The following LUC7L variants were observed in gnomAD, a reference collection of about 807,000 sequenced individuals.
The protein encoded by LUC7L is LUC7 like.
In LUC7L, 29 loss-of-function variants were observed where a neutral mutation model predicts 51.1. The observed-to-expected ratio is 0.57, with a 90% CI of 0.42 to 0.77. The LOEUF is 0.77. LUC7L is among the 30% of genes least tolerant of loss of function. The probability of loss-of-function intolerance (pLI) is 0.00; values close to 1 mark genes in which losing one functional copy is unlikely to be tolerated. For missense variants in LUC7L, 403 were observed against 511.9 expected (o/e 0.79, Z 2.05); for synonymous variants, 181 against 180.7 (o/e 1.00, Z -0.01).
At chr16:208,248 C>T in intron 3 of LUC7L, 60 bp from the exon 4 acceptor site, 2 of 1,272,924 alleles carry the variant, frequency 1.6e-6, no homozygotes, top group Non-Finnish European at 2.3e-6. Context: ...AGTCTTAGAA[C>T]CCATTTGCTT....
chr16:206,755 A>G (rs1429866975), intron 4 of LUC7L, among the ~76,000 whole-genome samples: 1 of 152,078 alleles, frequency 6.6e-6, no homozygotes, highest in Non-Finnish European at 1.5e-5. Flanking sequence ...TGGAGATATT[A>G]AAGTTTAAAA....
chr16:209,200 AC>A (rs1410836018), intron 3 of LUC7L: 1 of 145,350 alleles, frequency 6.9e-6, no homozygotes, highest in Non-Finnish European at 1.5e-5. Context: ...AAAAACAAAA[AC>A]AAAAAAAGGC....
chr16:199,816 C>A (rs539932900), intron 5 of LUC7L, among the ~76,000 whole-genome samples: 2 of 151,014 alleles, frequency 1.3e-5, no homozygotes, highest in South Asian at 4.2e-4. Flanking sequence ...TTTGTGAAAC[C>A]CCGTCTCTAC....
Position 206,521 on chromosome 16 carries a change from A to G in LUC7L, c.367-374T>C, listed in dbSNP as rs142736482. Among the ~76,000 whole-genome samples, 9 of 152,348 alleles carry G rather than the reference A, an allele frequency of 5.9e-5. No individual in the cohort carries two copies. The East Asian group carries it at 1.7e-3, about 29-fold the overall frequency. ...TACTAGGATTTACCTTCTGAAACAAAATAGCACCGTTGGTCAAATTAGCAA... is the reference window on the plus strand; with the variant it reads ...TACTAGGATTTACCTTCTGAAACAAGATAGCACCGTTGGTCAAATTAGCAA... On this transcript the variant is annotated intron_variant, in intron 4 of 9. Coordinates refer to ENST00000293872, the MANE Select transcript of LUC7L (RefSeq NM_201412.3).
intron 1 of LUC7L, chr16:228,095 G>A (rs1357856226): frequency 8.7e-7 from 1 of 1,149,426 alleles, no homozygotes; most frequent in African/African-American, 1.6e-5. Context: ...TCGGGGGAAT[G>A]ATACATAAAA....
Position 195,048 on chromosome 16 carries a change from T to C in LUC7L, c.688-2033A>G, listed in dbSNP as rs59582152. ...AAAGTATGCAGAGCTGGGTGACTGGTATCTCCAGCTCTAAACTTTCACCCA... is the reference window on the plus strand; with the variant it reads ...AAAGTATGCAGAGCTGGGTGACTGGCATCTCCAGCTCTAAACTTTCACCCA... On this transcript the variant is annotated intron_variant, in intron 6 of 9. Transcript: ENST00000293872. Among the ~76,000 whole-genome samples the C allele has an allele frequency of 9.1e-3, 1,378 of 152,248 alleles. 15 individuals carry two copies. The highest frequency in any genetic ancestry group is 0.032 in the African/African-American group (1,325 of 41,542).
chr16:190,125 G>A lies in LUC7L; in HGVS notation c.817C>T (p.Arg273Trp), dbSNP rs150298792. The stretch of plus-strand genomic sequence containing the variant: ...CTTGACCGCCTCCGACGCCGATCCC[G>A]GGAGCGTGACCTGAACAATCAGAAG... ...RTRDRRRSRSRDRRRRRSRST... is the reference protein window; with the variant it reads ...RTRDRRRSRSWDRRRRRSRST... The change falls in exon 9 of 10, where the codon CGG becomes TGG. Residue 273 changes from arginine (R) to tryptophan (W), a missense_variant. Transcript: ENST00000293872. 46 of 1,610,350 alleles carry A rather than the reference G, an allele frequency of 2.9e-5. No homozygotes were observed. Among genetic ancestry groups the A allele is most frequent in the African/African-American group, 5.3e-5 (4 of 74,854 alleles).
intron 6 of LUC7L, among the ~76,000 whole-genome samples, chr16:193,930 A>G (rs1205035705): frequency 1.4e-5 from 2 of 147,970 alleles, no homozygotes; most frequent in Admixed American, 6.8e-5. Context: ...TGGCCTCCGG[A>G]GTAGCTGGGA....
intron 4 of LUC7L, among the ~76,000 whole-genome samples, chr16:207,451 C>T (rs2049514949): frequency 6.6e-6 from 1 of 152,118 alleles, no homozygotes; most frequent in African/African-American, 2.4e-5. Flanking sequence ...CTCCTGGGCT[C>T]AAGCAGTCTG....
At position 208,220 on chromosome 16, in the gene LUC7L, A is replaced by G. The variant is rs201714549; in HGVS notation, c.256-32T>C. 4.1e-4 allele frequency: 602 copies of G among 1,466,336 alleles called. 1 individual carries two copies. The highest frequency in any genetic ancestry group is 5.3e-4 in the Non-Finnish European group (555 of 1,047,260). The allele number at this position is 1,466,336 out of a possible 1,614,324, so 90.8% of individuals were successfully genotyped here. On this transcript the variant is annotated intron_variant, in intron 3 of 9. Transcript: ENST00000293872. ...CGGGAAAAGCACAGCGCTATAATCA[A>G]TGATGTGTAAAGCGTAAAGTCTTAG...
intron 1 of LUC7L, chr16:228,152 T>C: frequency 8.3e-7 from 1 of 1,199,766 alleles, no homozygotes; most frequent in South Asian, 1.6e-5. Context: ...AGTCTGTGTA[T>C]ACAACACAGA....
chr16:221,320 C>A (rs554988217), intron 2 of LUC7L, among the ~76,000 whole-genome samples: 1 of 148,636 alleles, frequency 6.7e-6, no homozygotes, highest in Non-Finnish European at 1.5e-5. Flanking sequence ...GCTGGCATTA[C>A]AGGTGTGAGC....
At chr16:228,796 A>C in intron 1 of LUC7L, 1 of 1,288,068 alleles carries the variant, frequency 7.8e-7, no homozygotes, top group Non-Finnish European at 1.0e-6. Context: ...CCACGTTAGA[A>C]AAGCTCAGTT....
chr16:228,014 G>T (rs2050173415), intron 1 of LUC7L: 2 of 1,118,992 alleles, frequency 1.8e-6, no homozygotes, highest in Non-Finnish European at 1.1e-6. Flanking sequence ...GACCTCAGCT[G>T]CAGAATTTTA....
In LUC7L at chr16:229,400, C is replaced by G; in HGVS notation, c.-61G>C. ...ACTTCTCTCAGGCAGGCGGTGGCAGCGGCGTCGACAAACGATGGTCGCGTC... is the reference window on the plus strand; with the variant it reads ...ACTTCTCTCAGGCAGGCGGTGGCAGGGGCGTCGACAAACGATGGTCGCGTC... On this transcript the variant is annotated 5_prime_UTR_variant, in exon 1 of 10. Coordinates refer to ENST00000293872, the MANE Select transcript of LUC7L (RefSeq NM_201412.3). 1 of 1,387,378 alleles carries G rather than the reference C, an allele frequency of 7.2e-7. No individual in the cohort carries two copies. The highest frequency in any genetic ancestry group is 9.5e-7 in the Non-Finnish European group (1 of 1,053,130). The allele number at this position is 1,387,378 out of a possible 1,614,324, so 85.9% of individuals were successfully genotyped here. A position where few individuals can be genotyped will look rare whatever the true frequency, so the allele number is the denominator to read the frequency against.
chr16:197,762 G>A (rs1438210892), intron 6 of LUC7L, among the ~76,000 whole-genome samples: 2 of 152,014 alleles, frequency 1.3e-5, no homozygotes, highest in African/African-American at 4.8e-5. Context: ...GGCACAAAAG[G>A]CCCTCAGCCG....
Position 206,480 on chromosome 16 carries a change from A to C in LUC7L, c.367-333T>G, listed in dbSNP as rs138674868. 1.3e-4 allele frequency among the ~76,000 whole-genome samples: 20 copies of C among 152,332 alleles called. No individual in the cohort carries two copies. In the East Asian group the frequency reaches 3.9e-3, roughly 29 times the overall value. The stretch of plus-strand genomic sequence containing the variant: ...GTTTAAATGTACAGATTTAAGCTGT[A>C]ACCAAAATACCTAATTACTAGGATT... On this transcript the variant is annotated intron_variant, in intron 4 of 9. Coordinates refer to ENST00000293872, the MANE Select transcript of LUC7L (RefSeq NM_201412.3).
At chr16:220,404 A>C in intron 3 of LUC7L, 1 of 411,476 alleles carries the variant, frequency 2.4e-6, no homozygotes. Flanking sequence ...GACTCATAAA[A>C]ATGTAATTAA....
Position 199,169 on chromosome 16 carries a change from A to C in LUC7L, c.580T>G (p.Ser194Ala). The C allele has an allele frequency of 6.2e-7, 1 of 1,612,732 alleles. No individual in the cohort carries two copies. Among genetic ancestry groups the C allele is most frequent in the Non-Finnish European group, 8.5e-7 (1 of 1,178,786 alleles). ...QQKLRVCEVC[S>A]AYLGLHDNDR... ...TTGTCATGGAGACCAAGGTAGGCTG[A>C]ACAGACCTCGCAGACACGCAGCTTT... The change falls in exon 6 of 10, where the codon TCA becomes GCA. Residue 194 changes from serine (S) to alanine (A), a missense_variant. By Grantham distance (99) the Ser-to-Ala change is moderately conservative (BLOSUM62 1). This residue lies in a region of LUC7L where 182 missense variants were observed against 248.4 expected (regional missense o/e 0.73). Coordinates refer to ENST00000293872, the MANE Select transcript of LUC7L (RefSeq NM_201412.3).
Sources: gnomAD v4.1 joint callset for allele counts (sites outside exome capture counted in the v4.1 genomes callset) on GRCh38, gnomAD v4.1.1 for gene constraint, gnomAD v4.1.1 regional missense constraint, MANE v1.5 for transcripts, NCBI Gene and HGNC (gene_info 2026-07-23, HGNC 2026-07-21) for gene names.